Variants in KSR1 observed in about 807,000 individuals in gnomAD.
KSR1 encodes kinase suppressor of ras 1, also known as kinase suppressor of ras.
A neutral mutation model predicts 92.9 loss-of-function variants in KSR1; 35 were observed. That is an observed-to-expected ratio of 0.38 (90% CI 0.29 to 0.50). The LOEUF (loss-of-function observed/expected upper bound fraction) is 0.50, where lower values mean the gene tolerates loss of function less well. Among genes scored for constraint, KSR1 ranks in the 20% least tolerant of loss-of-function variants. KSR1 has a pLI of 0.94. For missense variants in KSR1, 972 were observed against 1,158.5 expected, an observed-to-expected ratio of 0.84 and a Z score of 2.34; for synonymous variants, 467 against 472.6, an observed-to-expected ratio of 0.99 and a Z score of 0.15.
In KSR1 at chr17:27,588,569, A is replaced by G. The variant is rs757565346; in HGVS notation, c.1046+34A>G. 5.8e-6 allele frequency: 9 copies of G among 1,560,128 alleles called. No individual in the cohort carries two copies. The African/African-American group carries it at 1.1e-4, about 19-fold the overall frequency. On this transcript the variant is annotated intron_variant, in intron 6 of 20. Coordinates refer to ENST00000644974, the MANE Select transcript of KSR1 (RefSeq NM_001394583.1). ...AGCGGGCCTGGAGGGGGAGCAGGGC[A>G]CAGCCGGGCTGGTACCCAGATGGGG...
chr17:27,509,573 G>A (rs1212184535), intron 1 of KSR1, among the ~76,000 whole-genome samples: 1 of 150,030 alleles, frequency 6.7e-6, no homozygotes, highest in Non-Finnish European at 1.5e-5. Flanking sequence ...ACAGGCGTGA[G>A]CCACCACGCC....
chr17:27,549,896 G>C (rs898411306), intron 1 of KSR1, among the ~76,000 whole-genome samples: 1 of 152,204 alleles, frequency 6.6e-6, no homozygotes, highest in African/African-American at 2.4e-5. Context: ...CACAGAGCTA[G>C]GGTGTGACTG....
rs192519433 is a variant in KSR1, at chr17:27,559,827, C to T, written c.372+9119C>T. 1.3e-5 allele frequency among the ~76,000 whole-genome samples: 2 copies of T among 152,188 alleles called. No individual in the cohort carries two copies. Among genetic ancestry groups the T allele is most frequent in the African/African-American group, 4.8e-5 (2 of 41,458 alleles). Reference sequence around the variant, plus strand: ...AGGAAATCAGAGCGCTTGTGAAGCGCGTGAGGAGGAGTCTGTGAGGAGGCT... The same window carrying T: ...AGGAAATCAGAGCGCTTGTGAAGCGTGTGAGGAGGAGTCTGTGAGGAGGCT... On this transcript the variant is annotated intron_variant, in intron 2 of 20. Coordinates refer to ENST00000644974, the MANE Select transcript of KSR1 (RefSeq NM_001394583.1). The surrounding 1 kb of genome is among the most constrained non-coding windows in gnomAD (Gnocchi z 4.2).
chr17:27,582,554 C>A, intron 3 of KSR1, 92 bp from the exon 4 acceptor site: 2 of 1,150,946 alleles, frequency 1.7e-6, no homozygotes, highest in Non-Finnish European at 2.5e-6. Flanking sequence ...TGCAGCCTCA[C>A]ACCAGGTGTT....
chr17:27,622,011 G>A (rs1033488778), intron 20 of KSR1: 17 of 1,439,552 alleles, frequency 1.2e-5, no homozygotes, highest in Admixed American at 3.4e-5. Context: ...CTGCTAAAAT[G>A]CAAAATGAGA....
At chr17:27,555,182 A>C (rs2071543918) in intron 2 of KSR1, among the ~76,000 whole-genome samples, 1 of 152,124 alleles carries the variant, frequency 6.6e-6, no homozygotes, top group Admixed American at 6.5e-5. Context: ...TGACGTTGAC[A>C]CTACTTTGTT....
At chr17:27,581,632 C>G (rs1363790425) in intron 3 of KSR1, among the ~76,000 whole-genome samples, 1 of 152,206 alleles carries the variant, frequency 6.6e-6, no homozygotes, top group Non-Finnish European at 1.5e-5. Flanking sequence ...CACTCCCTCT[C>G]TCCACCCCCA....
rs1486288533 is a variant in KSR1, at chr17:27,577,946, T to C, written c.520+307T>C. On this transcript the variant is annotated intron_variant, in intron 3 of 20. Transcript: ENST00000644974. This position sits in a 1 kb window ranked among gnomAD's most constrained non-coding sequence, Gnocchi z 4.5. Reference sequence around the variant, plus strand: ...TCTGTTGAGGGCTCTGTGTACCCTCTGCCAGCTTCCCACATTCCAGCCCCC... The same window carrying C: ...TCTGTTGAGGGCTCTGTGTACCCTCCGCCAGCTTCCCACATTCCAGCCCCC... 6.3e-6 allele frequency: 3 copies of C among 478,656 alleles called. No homozygotes were observed. Among genetic ancestry groups the C allele is most frequent in the Non-Finnish European group, 1.2e-5 (3 of 259,674 alleles). The allele number at this position is 478,656 out of a possible 1,614,324, so 29.7% of individuals were successfully genotyped here. A position where few individuals can be genotyped will look rare whatever the true frequency, so the allele number is the denominator to read the frequency against.
chr17:27,568,726 A>T (rs1456117426), intron 2 of KSR1, among the ~76,000 whole-genome samples: 1 of 152,188 alleles, frequency 6.6e-6, no homozygotes, highest in East Asian at 1.9e-4. Flanking sequence ...GGATTACCGC[A>T]TCCCAGTTTG....
In KSR1 at chr17:27,522,029, G is replaced by A. The variant is rs529831498; in HGVS notation, c.232-28539G>A. 4.6e-5 allele frequency among the ~76,000 whole-genome samples: 7 copies of A among 152,260 alleles called. No individual in the cohort carries two copies. The South Asian group carries it at 1.5e-3, about 32-fold the overall frequency. ...ATTTTCTAGGCCATGAGTTCTCAGA[G>A]GTCAAGTTCTGGATAATGGCTGGGT... On this transcript the variant is annotated intron_variant, in intron 1 of 20. Coordinates refer to ENST00000644974, the MANE Select transcript of KSR1 (RefSeq NM_001394583.1).
intron 1 of KSR1, among the ~76,000 whole-genome samples, chr17:27,534,263 A>G (rs376571787): frequency 6.6e-6 from 1 of 152,252 alleles, no homozygotes; most frequent in South Asian, 2.1e-4. Flanking sequence ...CCCATTTTCA[A>G]GGAATACACC....
At chr17:27,581,838 C>T (rs936453065) in intron 3 of KSR1, among the ~76,000 whole-genome samples, 5 of 152,158 alleles carry the variant, frequency 3.3e-5, no homozygotes, top group African/African-American at 1.2e-4. Context: ...GCCTCGGGGG[C>T]CTCAGGCACA....
intron 6 of KSR1, among the ~76,000 whole-genome samples, chr17:27,590,489 A>G (rs1269372171): frequency 6.6e-6 from 1 of 152,204 alleles, no homozygotes; most frequent in Non-Finnish European, 1.5e-5. Flanking sequence ...TATGTGTTGG[A>G]TAAATTCCTA....
intron 5 of KSR1, among the ~76,000 whole-genome samples, chr17:27,586,198 G>T (rs1041560313): frequency 1.3e-5 from 2 of 152,172 alleles, no homozygotes; most frequent in Non-Finnish European, 2.9e-5. Context: ...GGACACCTGG[G>T]CAACCCTTGA....
intron 1 of KSR1, among the ~76,000 whole-genome samples, chr17:27,469,119 A>C (rs1167174360): frequency 6.6e-6 from 1 of 152,114 alleles, no homozygotes; most frequent in African/African-American, 2.4e-5. Flanking sequence ...GCAAACCCTC[A>C]TTTCTGCGGT....
chr17:27,607,713 G>A (rs569725656), intron 14 of KSR1, among the ~76,000 whole-genome samples: 1 of 152,308 alleles, frequency 6.6e-6, no homozygotes, highest in South Asian at 2.1e-4. Context: ...GCGTGTACGT[G>A]TGTGGTGTCA....
chr17:27,616,507 C>T lies in KSR1; in HGVS notation c.2494-788C>T, dbSNP rs567025243. ...CTTCACACAAATGTACACACACACA[C>T]ATGTACACCCCATATCCTCCAGAGA... is the stretch of plus-strand genomic sequence containing the variant. On this transcript the variant is annotated intron_variant, in intron 18 of 20. Transcript: ENST00000644974. Among the ~76,000 whole-genome samples, 3 of 152,300 alleles carry T rather than the reference C, an allele frequency of 2.0e-5. No homozygotes were observed. In the East Asian group the frequency reaches 5.8e-4, roughly 29 times the overall value.
In KSR1 at chr17:27,481,488, G is replaced by A. The variant is rs139162805; in HGVS notation, c.231+24614G>A. On this transcript the variant is annotated intron_variant, in intron 1 of 20. Coordinates refer to ENST00000644974, the MANE Select transcript of KSR1 (RefSeq NM_001394583.1). The stretch of plus-strand genomic sequence containing the variant: ...TAGCTGATAAGGCATGCTGCACCTT[G>A]TACATAAGATACACGTAGGTACTGT... Among the ~76,000 whole-genome samples the A allele has an allele frequency of 1.4e-4, 21 of 152,322 alleles. No homozygotes were observed. In the East Asian group the frequency reaches 4.0e-3, roughly 29 times the overall value.
intron 1 of KSR1, among the ~76,000 whole-genome samples, chr17:27,481,358 T>C (rs2068503419): frequency 6.6e-6 from 1 of 152,214 alleles, no homozygotes; most frequent in African/African-American, 2.4e-5. Context: ...GGAATTGGAC[T>C]GGCTGATTTC....
Sources: allele counts gnomAD v4.1 joint callset (sites outside exome capture counted in the v4.1 genomes callset), GRCh38; gene constraint gnomAD v4.1.1; non-coding constraint Gnocchi (gnomAD v3.1); transcripts MANE v1.5; gene names NCBI Gene and HGNC (gene_info 2026-07-23, HGNC 2026-07-21).